CPSF1: variants seen among roughly 807,000 people sequenced by gnomAD.
The protein encoded by CPSF1 is cleavage and polyadenylation specific factor 1.
CPSF1 carries 106 observed loss-of-function variants against 175.8 expected under a neutral mutation model. That is an observed-to-expected ratio of 0.60 (90% confidence interval 0.52 to 0.71). CPSF1 has a LOEUF of 0.71. CPSF1 is among the 30% of genes least tolerant of loss of function. CPSF1 has a pLI of 0.00. For synonymous variants in CPSF1, 1,024 were observed against 858.3 expected, an observed-to-expected ratio of 1.19 and a Z score of -3.37; for missense variants, 1,734 against 2,022.9, an observed-to-expected ratio of 0.86 and a Z score of 2.74.
In CPSF1 at chr8:144,393,244, G is replaced by A. The variant is rs563635544; in HGVS notation, c.*74C>T. The A allele has an allele frequency of 1.2e-4, 166 of 1,416,102 alleles. No individual in the cohort carries two copies. The African/African-American group carries it at 2.1e-3, about 18-fold the overall frequency. 87.7% of individuals were successfully genotyped at this position (1,416,102 alleles called of 1,614,324 possible). A position where few individuals can be genotyped will look rare whatever the true frequency, so the allele number is the denominator to read the frequency against. On this transcript the variant is annotated 3_prime_UTR_variant, in exon 38 of 38. Transcript: ENST00000616140. Reference sequence around the variant, plus strand: ...CACACACTCCTCTCAAGCAAAAAATGTTTTTCCTTGTGTTTTGTACAAAAA... The same window carrying A: ...CACACACTCCTCTCAAGCAAAAAATATTTTTCCTTGTGTTTTGTACAAAAA...
At position 144,394,363 on chromosome 8, in the gene CPSF1, G is replaced by A. The variant is rs782256722; in HGVS notation, c.3744+16C>T. On this transcript the variant is annotated intron_variant, in intron 32 of 37. Coordinates refer to ENST00000616140, the MANE Select transcript of CPSF1 (RefSeq NM_013291.3). ...GGGTACCCACCCAGACACGAGCACC[G>A]CCGCCACAGGTGTACCCGCGACACC... 2.7e-5 allele frequency: 43 copies of A among 1,592,230 alleles called. 1 individual carries two copies. Among genetic ancestry groups the A allele is most frequent in the East Asian group, 6.8e-5 (3 of 44,366 alleles).
intron 9 of CPSF1, 31 bp downstream of exon 9, chr8:144,400,135 G>GGGCGCC: frequency 1.1e-6 from 1 of 896,008 alleles, no homozygotes; most frequent in Non-Finnish European, 1.6e-6. Context: ...CCGTCCCCGG[G>GGGCGCC]CCCCCCCCGC....
chr8:144,396,982 G>T, intron 23 of CPSF1, 53 bp from the exon 24 acceptor site: 1 of 1,381,990 alleles, frequency 7.2e-7, no homozygotes, highest in Non-Finnish European at 1.0e-6. Context: ...GGAGAACATG[G>T]GATGGGCCAT....
At chr8:144,393,824 T>C in intron 35 of CPSF1, 28 bp from the exon 36 acceptor site, 3 of 1,601,050 alleles carry the variant, frequency 1.9e-6, no homozygotes, top group Admixed American at 1.7e-5. Flanking sequence ...AGGGTTTTGG[T>C]GTGAGCCAGG....
At chr8:144,395,918 A>G (rs1297463783) in intron 26 of CPSF1, 3 of 407,678 alleles carry the variant, frequency 7.4e-6, no homozygotes, top group Non-Finnish European at 1.4e-5. Context: ...TCAGGCACCC[A>G]GGAAGCACTC....
Position 144,394,948 on chromosome 8 carries a change from G to A in CPSF1, c.3348C>T (p.Gly1116=). 6.2e-7 allele frequency: 1 copy of A among 1,612,964 alleles called. No individual in the cohort carries two copies. The highest frequency in any genetic ancestry group is 8.5e-7 in the Non-Finnish European group (1 of 1,179,940). ...VSLRSEETVS[G]LKGYVAAGTC... is the part of the protein sequence containing the mutation. Reference sequence around the variant, plus strand: ...TCCCGGCGGCCACGTAGCCTTTGAGGCCCGACACGGTCTCCTCACTGCGCA... The same window carrying A: ...TCCCGGCGGCCACGTAGCCTTTGAGACCCGACACGGTCTCCTCACTGCGCA... The change falls in exon 30 of 38, where the codon GGC becomes GGT. Residue 1116 remains glycine, a synonymous_variant. Coordinates refer to ENST00000616140, the MANE Select transcript of CPSF1 (RefSeq NM_013291.3).
rs2116884671 is a variant in CPSF1, at chr8:144,401,457, G to A, written c.279C>T (p.Ala93=). ...TGGCATCCTTGAAGCTTAGGAGCAG[G>A]GCATCCCGCTTGGCTCCTGCCAGCT... is the stretch of plus-strand genomic sequence containing the variant. ...SVQLAGAKRD[A]LLLSFKDAKL... Residue 93 remains alanine, a synonymous_variant, in exon 4 of 38, where the codon GCC becomes GCT. Transcript: ENST00000616140. 1 of 1,614,048 alleles carries A rather than the reference G, an allele frequency of 6.2e-7. No homozygotes were observed. Among genetic ancestry groups the A allele is most frequent in the Non-Finnish European group, 8.5e-7 (1 of 1,180,002 alleles).
chr8:144,399,713 G>A lies in CPSF1; in HGVS notation c.1120-3C>T. On this transcript the variant is annotated splice_polypyrimidine_tract_variant and splice_region_variant and intron_variant, in intron 11 of 37. Transcript: ENST00000616140. This position sits in a 1 kb window ranked among gnomAD's most constrained non-coding sequence, Gnocchi z 6.4. ...TACCCGGGCTCCATGGTGACCATCT[G>A]AGGGAGGGCAGGTGTGTGATGGCTG... 4 of 1,608,380 alleles carry A rather than the reference G, an allele frequency of 2.5e-6. No homozygotes were observed. The highest frequency in any genetic ancestry group is 3.4e-6 in the Non-Finnish European group (4 of 1,177,534).
At chr8:144,396,146 C>A (rs1820710838) in intron 26 of CPSF1, 1 of 612,364 alleles carries the variant, frequency 1.6e-6, no homozygotes, top group East Asian at 2.8e-5. Context: ...GGGCTGCAGC[C>A]CCAGCTCCCA....
chr8:144,394,623 C>G lies in CPSF1; in HGVS notation c.3567+21G>C, dbSNP rs528682775. 63 of 1,601,974 alleles carry G rather than the reference C, an allele frequency of 3.9e-5. 1 individual carries two copies. The Admixed American group carries it at 1.1e-3, about 27-fold the overall frequency. On this transcript the variant is annotated intron_variant, in intron 31 of 37. Coordinates refer to ENST00000616140, the MANE Select transcript of CPSF1 (RefSeq NM_013291.3). ...GGGTGAGGGTGAGCCGGGGGACACA[C>G]GCCGGGTGGGACTGGCACACCTTCT... is the stretch of plus-strand genomic sequence containing the variant.
rs2116913054 is a variant in CPSF1 at position 144,409,082 on chromosome 8, C to T, written c.77G>A (p.Ser26Asn). 17 of 1,613,898 alleles carry T rather than the reference C, an allele frequency of 1.1e-5. No homozygotes were observed. The highest frequency in any genetic ancestry group is 1.7e-4 in the Middle Eastern group (1 of 6,060). ...CCCGGCCACTACCAGGTTGCGCTCG[C>T]TGTTGTTGAAGAAGTTGCAGTACAT... Reference protein sequence around the residue: ...FSMYCNFFNNSERNLVVAGTS... With the variant: ...FSMYCNFFNNNERNLVVAGTS... The change falls in exon 2 of 38, where the codon AGC becomes AAC. Residue 26 changes from serine (S) to asparagine (N), a missense_variant. Coordinates refer to ENST00000616140, the MANE Select transcript of CPSF1 (RefSeq NM_013291.3).
intron 2 of CPSF1, among the ~76,000 whole-genome samples, chr8:144,405,885 C>T (rs1185472775): frequency 1.3e-5 from 2 of 152,034 alleles, no homozygotes; most frequent in African/African-American, 2.4e-5. Flanking sequence ...AGTGGAGGGA[C>T]GGTGTGGGGG....
At position 144,399,936 on chromosome 8, in the gene CPSF1, T is replaced by C; in HGVS notation, c.1031+56A>G. ...GGGAGTGAAGGGGGCCAGGGGACCC[T>C]ACAGGACTTGTGGGGGGCGGTGTGG... is the stretch of plus-strand genomic sequence containing the variant. On this transcript the variant is annotated intron_variant, in intron 10 of 37. Coordinates refer to ENST00000616140, the MANE Select transcript of CPSF1 (RefSeq NM_013291.3). The surrounding 1 kb of genome is among the most constrained non-coding windows in gnomAD (Gnocchi z 6.4). 1 of 1,555,986 alleles carries C rather than the reference T, an allele frequency of 6.4e-7. No individual in the cohort carries two copies. The highest frequency in any genetic ancestry group is 8.7e-7 in the Non-Finnish European group (1 of 1,149,180).
At chr8:144,397,076 G>A in intron 23 of CPSF1, 131 bp downstream of exon 23, 3 of 983,784 alleles carry the variant, frequency 3.0e-6, no homozygotes, top group Admixed American at 2.2e-5. Flanking sequence ...TGAGGGAGAT[G>A]GGGTGGAGCC....
chr8:144,401,143 G>C, intron 5 of CPSF1, 68 bp from the exon 6 acceptor site: 1 of 1,302,182 alleles, frequency 7.7e-7, no homozygotes, highest in Non-Finnish European at 1.0e-6. Flanking sequence ...TGGGGCCACA[G>C]AACCCAGCTG....
At position 144,393,264 on chromosome 8, in the gene CPSF1, C is replaced by G. The variant is rs1211469986; in HGVS notation, c.*54G>C. The G allele has an allele frequency of 7.6e-6, 11 of 1,451,126 alleles. No homozygotes were observed. The highest frequency in any genetic ancestry group is 1.4e-5 in the African/African-American group (1 of 70,056). The allele number at this position is 1,451,126 out of a possible 1,614,324, so 89.9% of individuals were successfully genotyped here. On this transcript the variant is annotated 3_prime_UTR_variant, in exon 38 of 38. Transcript: ENST00000616140. ...AAAATGTTTTTCCTTGTGTTTTGTA[C>G]AAAAAGGGGGTGGGAGGTAGTTCCG...
At position 144,397,724 on chromosome 8, in the gene CPSF1, G is replaced by A. The variant is rs563764538; in HGVS notation, c.2210+19C>T. On this transcript the variant is annotated intron_variant, in intron 21 of 37. Coordinates refer to ENST00000616140, the MANE Select transcript of CPSF1 (RefSeq NM_013291.3). ...CCCAGGGACCCAAGCCCCTACCTGC[G>A]CCCCCAGCCCCCACGCACCTAGTCT... 46 of 1,585,054 alleles carry A rather than the reference G, an allele frequency of 2.9e-5. No homozygotes were observed. The Middle Eastern group carries it at 6.7e-4, about 23-fold the overall frequency.
chr8:144,398,042 T>C lies in CPSF1; in HGVS notation c.1985A>G (p.Glu662Gly). The change falls in exon 20 of 38, where the codon GAG becomes GGG. Residue 662 changes from glutamate to glycine, a missense_variant. Around this residue, in one of 10 missense-constraint regions of CPSF1, gnomAD observed 280 missense variants for 349.2 expected, o/e 0.80. Coordinates refer to ENST00000616140, the MANE Select transcript of CPSF1 (RefSeq NM_013291.3). Reference sequence around the variant, plus strand: ...CAGCAGGAACATGGTGACGTGGCCCTCGGCACTCATGATGACCACATAGGG... The same window carrying C: ...CAGCAGGAACATGGTGACGTGGCCCCCGGCACTCATGATGACCACATAGGG... The part of the protein sequence containing the change: ...ADPYVVIMSA[E>G]GHVTMFLLKS... 6.2e-7 allele frequency: 1 copy of C among 1,612,366 alleles called. No homozygotes were observed.
rs1820926581 is a variant in CPSF1 at position 144,398,369 on chromosome 8, A to C, written c.1827T>G (p.Ala609=). Residue 609 remains alanine, a synonymous_variant, in exon 19 of 38, where the codon GCT becomes GCG. Coordinates refer to ENST00000616140, the MANE Select transcript of CPSF1 (RefSeq NM_013291.3). ...TGTAGCGGTTGTCCCCGATGTTCCC[A>C]GCAAAGACCGTGGGGCCCTGAGTGG... ...GFATQGPTVF[A]GNIGDNRYIV... The C allele has an allele frequency of 1.9e-6, 3 of 1,600,688 alleles. No individual in the cohort carries two copies. The highest frequency in any genetic ancestry group is 2.6e-6 in the Non-Finnish European group (3 of 1,174,214).
Sources: allele counts gnomAD v4.1 joint callset (sites outside exome capture counted in the v4.1 genomes callset), GRCh38; gene constraint gnomAD v4.1.1; regional missense constraint gnomAD v4.1.1; non-coding constraint Gnocchi (gnomAD v3.1); transcripts MANE v1.5; gene names NCBI Gene and HGNC (gene_info 2026-07-23, HGNC 2026-07-21).